The following GRB10 variants were observed in gnomAD, a reference collection of about 807,000 sequenced individuals.
GRB10 encodes growth factor receptor-bound protein 10.
A neutral mutation model predicts 80.9 loss-of-function variants in GRB10; 20 were observed. That is an observed-to-expected ratio of 0.25 (90% confidence interval 0.17 to 0.36). GRB10 has a LOEUF of 0.36. Ranked by LOEUF, GRB10 falls within the 10% of genes least tolerant of loss-of-function variation. The pLI is 1.00. For synonymous variants in GRB10, 291 were observed against 291.5 expected (o/e 1.00, Z 0.02); for missense variants, 548 against 747.7 (o/e 0.73, Z 3.12).
chr7:50,607,837 C>T (rs1472955257), intron 13 of GRB10, among the ~76,000 whole-genome samples: 1 of 152,194 alleles, frequency 6.6e-6, no homozygotes, highest in Non-Finnish European at 1.5e-5. Context: ...GCATCCCAAC[C>T]TACACACCCA....
chr7:50,750,020 CT>C (rs2073830335), intron 3 of GRB10, among the ~76,000 whole-genome samples: 1 of 152,190 alleles, frequency 6.6e-6, no homozygotes, highest in South Asian at 2.1e-4. Context: ...CTGCTACTCC[CT>C]TGGTGAGATT....
intron 5 of GRB10, among the ~76,000 whole-genome samples, chr7:50,701,033 C>A (rs910115169): frequency 3.1e-4 from 47 of 152,210 alleles, no homozygotes; most frequent in Middle Eastern, 3.4e-3. Context: ...TGTTTAATAT[C>A]TTTTTTCTCT....
chr7:50,689,260 C>A (rs751258315), intron 5 of GRB10, among the ~76,000 whole-genome samples: 5 of 152,202 alleles, frequency 3.3e-5, no homozygotes, highest in Non-Finnish European at 5.9e-5. Context: ...ACTAGTTATG[C>A]AAAGGTACTT....
chr7:50,764,730 G>A (rs2076148270), intron 2 of GRB10, among the ~76,000 whole-genome samples: 1 of 152,182 alleles, frequency 6.6e-6, no homozygotes, highest in African/African-American at 2.4e-5. Context: ...ATGCAAGGAT[G>A]AAATGATGCA....
Position 50,604,083 on chromosome 7 carries a change from T to A in GRB10, c.1459A>T (p.Ile487Phe). 1 of 1,613,020 alleles carries A rather than the reference T, an allele frequency of 6.2e-7. No individual in the cohort carries two copies. The highest frequency in any genetic ancestry group is 8.5e-7 in the Non-Finnish European group (1 of 1,178,978). ...PLHPSTLSTV[I>F]HRTQHWFHGR... Reference sequence around the variant, plus strand: ...TGAAACCAGTGCTGTGTCCTGTGAATCACTGTGGGGGGAAGACAGGAGGAG... The same window carrying A: ...TGAAACCAGTGCTGTGTCCTGTGAAACACTGTGGGGGGAAGACAGGAGGAG... Residue 487 changes from isoleucine to phenylalanine, a missense_variant and splice_region_variant, in exon 17 of 19, where the codon ATT (isoleucine) becomes TTT (phenylalanine). Physicochemically the swap from Ile to Phe is conservative, Grantham distance 21. Transcript: ENST00000401949.
chr7:50,737,710 A>G (rs1047201087), intron 3 of GRB10, among the ~76,000 whole-genome samples: 3 of 152,158 alleles, frequency 2.0e-5, no homozygotes, highest in African/African-American at 7.2e-5. Context: ...TTAGCCGGGC[A>G]TGGTGGCAGG....
At chr7:50,785,866 G>C (rs2078673365), upstream of GRB10, among the ~76,000 whole-genome samples, 1 of 152,188 alleles carries the variant, frequency 6.6e-6, no homozygotes, top group African/African-American at 2.4e-5. Context: ...CTACAAATGA[G>C]ATAGACGTAT....
At chr7:50,744,818 C>T (rs2072591280) in intron 3 of GRB10, among the ~76,000 whole-genome samples, 2 of 152,186 alleles carry the variant, frequency 1.3e-5, no homozygotes, top group Admixed American at 6.5e-5. Flanking sequence ...GGAATTATTA[C>T]AGTAGTACAG....
chr7:50,757,350 C>T (rs1562631844), intron 2 of GRB10, among the ~76,000 whole-genome samples: 1 of 152,222 alleles, frequency 6.6e-6, no homozygotes, highest in Non-Finnish European at 1.5e-5. Flanking sequence ...CAACGTATAG[C>T]AAACGTTAAA....
intron 7 of GRB10, among the ~76,000 whole-genome samples, chr7:50,655,592 G>A (rs868027712): frequency 1.6e-4 from 25 of 152,090 alleles, no homozygotes; most frequent in African/African-American, 5.8e-4. Context: ...CAGATAACAC[G>A]TCAGCATCTC....
intron 13 of GRB10, among the ~76,000 whole-genome samples, chr7:50,610,631 C>A (rs572860199): frequency 2.0e-5 from 3 of 152,160 alleles, no homozygotes; most frequent in African/African-American, 7.2e-5. Context: ...TCTGCCACAT[C>A]GTGGCAGCTA....
intron 2 of GRB10, among the ~76,000 whole-genome samples, chr7:50,759,670 T>C (rs1008772069): frequency 2.6e-5 from 4 of 152,182 alleles, no homozygotes; most frequent in African/African-American, 7.2e-5. Context: ...GTTAGTTGAA[T>C]CCAAGGATGT....
intron 12 of GRB10, 108 bp from the exon 13 acceptor site, chr7:50,612,947 T>TC: frequency 1.3e-6 from 1 of 746,782 alleles, no homozygotes; most frequent in South Asian, 1.5e-5. Context: ...CAGCTGGAGA[T>TC]CCCCCTAGCA....
chr7:50,660,177 C>T (rs891676786), intron 7 of GRB10, among the ~76,000 whole-genome samples: 3 of 152,020 alleles, frequency 2.0e-5, no homozygotes, highest in African/African-American at 4.8e-5. Context: ...GCCGTGTTCA[C>T]GTGGGAAGTA....
intron 16 of GRB10, 101 bp from the exon 17 acceptor site, chr7:50,604,186 C>G: frequency 7.7e-7 from 1 of 1,300,110 alleles, no homozygotes; most frequent in Non-Finnish European, 1.1e-6. Context: ...CCCCTGACTC[C>G]CCCAGCTACA....
chr7:50,598,048 G>A (rs2046963818), intron 17 of GRB10, among the ~76,000 whole-genome samples: 1 of 152,134 alleles, frequency 6.6e-6, no homozygotes, highest in African/African-American at 2.4e-5. Flanking sequence ...ATTTTTAGTA[G>A]AGATGGGGTT....
At chr7:50,774,204 C>T (rs997668276) in intron 2 of GRB10, among the ~76,000 whole-genome samples, 1 of 152,056 alleles carries the variant, frequency 6.6e-6, no homozygotes, top group African/African-American at 2.4e-5. Flanking sequence ...GCAGGGGGAG[C>T]AATGGGATGG....
At chr7:50,763,788 G>A (rs1299426114) in intron 2 of GRB10, among the ~76,000 whole-genome samples, 1 of 152,162 alleles carries the variant, frequency 6.6e-6, no homozygotes, top group Non-Finnish European at 1.5e-5. Flanking sequence ...TTCCATCTCT[G>A]CTGCCAACTC....
intron 14 of GRB10, among the ~76,000 whole-genome samples, chr7:50,605,800 T>C (rs997749739): frequency 6.6e-6 from 1 of 152,162 alleles, no homozygotes; most frequent in African/African-American, 2.4e-5. Flanking sequence ...GGAAAACTCG[T>C]GGACCCTTTC....
Sources: gnomAD v4.1 joint callset for allele counts (sites outside exome capture counted in the v4.1 genomes callset) on GRCh38, gnomAD v4.1.1 for gene constraint, MANE v1.5 for transcripts, NCBI Gene and HGNC (gene_info 2026-07-23, HGNC 2026-07-21) for gene names.